Variants in PTPRJ observed in about 807,000 individuals in gnomAD.
PTPRJ encodes the protein receptor-type tyrosine-protein phosphatase eta.
In PTPRJ, 129 loss-of-function variants were observed where a neutral mutation model predicts 141.3. The observed-to-expected ratio is 0.91, with a 90% CI of 0.79 to 1.06. The LOEUF (loss-of-function observed/expected upper bound fraction) is 1.06. Ranked by LOEUF, PTPRJ falls within the 50% of genes least tolerant of loss-of-function variation. The pLI, the probability that PTPRJ is intolerant of heterozygous loss-of-function variation, is 0.00. For synonymous variants in PTPRJ, 610 were observed against 640.5 expected, an observed-to-expected ratio of 0.95 and a Z score of 0.72; for missense variants, 1,601 against 1,679.7, an observed-to-expected ratio of 0.95 and a Z score of 0.82.
chr11:48,106,059 G>T (rs1856280669), intron 1 of PTPRJ, among the ~76,000 whole-genome samples: 2 of 152,106 alleles, frequency 1.3e-5, no homozygotes, highest in East Asian at 1.9e-4. Flanking sequence ...TAGGATATTG[G>T]CTAATACCGC....
Position 48,143,517 on chromosome 11 carries a change from G to T in PTPRJ, c.2575+467G>T, listed in dbSNP as rs372807785. ...TGTCTCTCTCTCTCACTCTACACAC[G>T]TACACACATGCCATCCTCAGAGGAT... On this transcript the variant is annotated intron_variant, in intron 12 of 24. Transcript: ENST00000418331. 3.3e-5 allele frequency among the ~76,000 whole-genome samples: 5 copies of T among 152,226 alleles called. No homozygotes were observed. In the East Asian group the frequency reaches 7.7e-4, roughly 24 times the overall value.
chr11:48,056,333 C>T (rs1854751232), intron 1 of PTPRJ, among the ~76,000 whole-genome samples: 1 of 152,216 alleles, frequency 6.6e-6, no homozygotes, highest in African/African-American at 2.4e-5. Flanking sequence ...TGTGAGCTCT[C>T]ACCAGTTTAC....
At chr11:48,043,862 T>C (rs1444007398) in intron 1 of PTPRJ, among the ~76,000 whole-genome samples, 2 of 151,812 alleles carry the variant, frequency 1.3e-5, no homozygotes, top group Non-Finnish European at 2.9e-5. Context: ...GAAGCGGGGG[T>C]TTAAAGGGAG....
At chr11:48,143,813 C>G (rs1486508720) in intron 12 of PTPRJ, among the ~76,000 whole-genome samples, 3 of 123,288 alleles carry the variant, frequency 2.4e-5, no homozygotes, top group African/African-American at 9.0e-5. Context: ...TCCTCCTCCT[C>G]CCCTTCTCCT....
chr11:47,995,701 C>A (rs965887032), intron 1 of PTPRJ, among the ~76,000 whole-genome samples: 1 of 152,076 alleles, frequency 6.6e-6, no homozygotes, highest in African/African-American at 2.4e-5. Context: ...TCATAGAGAT[C>A]GAAGTCATGT....
At chr11:48,163,339 T>A in intron 22 of PTPRJ, 119 bp from the exon 23 acceptor site, 1 of 925,060 alleles carries the variant, frequency 1.1e-6, no homozygotes, top group Admixed American at 2.4e-5. Context: ...AATGTAAAGT[T>A]TAATTTTTAG....
At chr11:48,159,298 G>T (rs951097302) in intron 21 of PTPRJ, among the ~76,000 whole-genome samples, 1 of 152,176 alleles carries the variant, frequency 6.6e-6, no homozygotes, top group African/African-American at 2.4e-5. Context: ...ATTGGTGTGT[G>T]TATTTGTATT....
chr11:48,156,322 CT>C (rs1433195281), intron 21 of PTPRJ, among the ~76,000 whole-genome samples: 1 of 151,696 alleles, frequency 6.6e-6, no homozygotes, highest in African/African-American at 2.4e-5. Flanking sequence ...TTGTCATTAT[CT>C]TTTTTTTGGA....
At chr11:48,089,391 C>T (rs371183705) in intron 1 of PTPRJ, among the ~76,000 whole-genome samples, 1 of 151,960 alleles carries the variant, frequency 6.6e-6, no homozygotes, top group Non-Finnish European at 1.5e-5. Flanking sequence ...TGGTGCAGGC[C>T]TGTGATTCCA....
chr11:48,056,903 G>A (rs900259413), intron 1 of PTPRJ, among the ~76,000 whole-genome samples: 1 of 152,218 alleles, frequency 6.6e-6, no homozygotes, highest in African/African-American at 2.4e-5. Context: ...GCAGTGAGCC[G>A]AGATTGTGCT....
At chr11:48,125,677 A>G (rs1856813946) in intron 6 of PTPRJ, among the ~76,000 whole-genome samples, 1 of 152,200 alleles carries the variant, frequency 6.6e-6, no homozygotes, top group Non-Finnish European at 1.5e-5. Flanking sequence ...CTGTAAGTTC[A>G]CCAATATTTG....
intron 1 of PTPRJ, among the ~76,000 whole-genome samples, chr11:48,089,527 A>AC (rs1244127325): frequency 6.6e-6 from 1 of 151,816 alleles, no homozygotes; most frequent in African/African-American, 2.4e-5. Context: ...AAAAAAAAAA[A>AC]AAAAACAAAA....
intron 8 of PTPRJ, among the ~76,000 whole-genome samples, chr11:48,133,182 A>C (rs1254301419): frequency 5.9e-5 from 9 of 152,206 alleles, no homozygotes; most frequent in Non-Finnish European, 1.2e-4. Context: ...CTGCAAACTT[A>C]AGTAACTGGC....
At chr11:48,137,366 C>T (rs1389088731) in intron 10 of PTPRJ, 85 bp downstream of exon 10, 1 of 1,471,396 alleles carries the variant, frequency 6.8e-7, no homozygotes, top group Non-Finnish European at 9.2e-7. Flanking sequence ...TGTAGTTTGT[C>T]TGGTTTTGTG....
chr11:48,138,565 A>T (rs541735816), intron 10 of PTPRJ, among the ~76,000 whole-genome samples: 1 of 152,192 alleles, frequency 6.6e-6, no homozygotes, highest in East Asian at 1.9e-4. Context: ...TATTTACATC[A>T]GTTTGATGTT....
At chr11:48,130,224 A>C (rs529399478) in intron 7 of PTPRJ, among the ~76,000 whole-genome samples, 1 of 151,730 alleles carries the variant, frequency 6.6e-6, no homozygotes, top group South Asian at 2.1e-4. Context: ...TTTCCTGTGA[A>C]TGATTGTGTG....
At chr11:48,066,729 G>T (rs1016321585) in intron 1 of PTPRJ, among the ~76,000 whole-genome samples, 1 of 151,962 alleles carries the variant, frequency 6.6e-6, no homozygotes, top group African/African-American at 2.4e-5. Flanking sequence ...AGGATTACAG[G>T]CTTGAGCCAC....
Position 48,110,204 on chromosome 11 carries a change from C to A in PTPRJ, c.115+128C>A, listed in dbSNP as rs1385713721. ...TGCTCGGTTTCCAATTTTTCTTTTT[C>A]TTTTTCTTTTCTTTTTTTTTGAGTT... On this transcript the variant is annotated intron_variant, in intron 2 of 24. Transcript: ENST00000418331. 4 of 1,118,410 alleles carry A rather than the reference C, an allele frequency of 3.6e-6. No individual in the cohort carries two copies. In the East Asian group the frequency reaches 9.8e-5, roughly 27 times the overall value. 69.3% of individuals were successfully genotyped at this position (1,118,410 alleles called of 1,614,324 possible).
rs1351743334 is a variant in PTPRJ at position 48,168,582 on chromosome 11, A to ATG, written c.*1220_*1221insTG. On this transcript the variant is annotated 3_prime_UTR_variant, in exon 25 of 25. Coordinates refer to ENST00000418331, the MANE Select transcript of PTPRJ (RefSeq NM_002843.4). ...TATATATATATATATATATATATAT[A>ATG]CACTAAGCTCTCAAAAACAGTCATT... The ATG allele has an allele frequency of 8.3e-3, 812 of 97,794 alleles. 178 individuals are homozygous for ATG. Among genetic ancestry groups the ATG allele is most frequent in the Non-Finnish European group, 0.013 (590 of 46,566 alleles). 6.1% of individuals were successfully genotyped at this position (97,794 alleles called of 1,614,324 possible).
Sources: gnomAD v4.1 joint callset for allele counts (sites outside exome capture counted in the v4.1 genomes callset) on GRCh38, gnomAD v4.1.1 for gene constraint, MANE v1.5 for transcripts, NCBI Gene and HGNC (gene_info 2026-07-23, HGNC 2026-07-21) for gene names.